Variants in EYS observed in about 807,000 individuals in gnomAD.
The protein encoded by EYS is EGF-like photoreceptor maintenance factor, also known as protein eyes shut homolog.
EYS carries 250 observed loss-of-function variants against 282.1 expected under a neutral mutation model. The observed-to-expected ratio is 0.89, with a 90% CI of 0.80 to 0.98. The LOEUF (loss-of-function observed/expected upper bound fraction) is 0.98, where lower values mean the gene tolerates loss of function less well. EYS is among the 50% of genes least tolerant of loss of function. The probability of loss-of-function intolerance (pLI) is 0.00; values close to 1 mark genes in which losing one functional copy is unlikely to be tolerated. For missense variants in EYS, 4,016 were observed against 3,709.0 expected (o/e 1.08, Z -2.15); for synonymous variants, 1,355 against 1,282.9 (o/e 1.06, Z -1.20).
At chr6:64,370,556 C>A (rs765871165) in intron 29 of EYS, among the ~76,000 whole-genome samples, 1 of 151,996 alleles carries the variant, frequency 6.6e-6, no homozygotes, top group Non-Finnish European at 1.5e-5. Context: ...GGGAGAAATC[C>A]CCCCTCCTCA....
chr6:64,886,013 T>C (rs1430053439), intron 19 of EYS, among the ~76,000 whole-genome samples: 1 of 151,880 alleles, frequency 6.6e-6, no homozygotes, highest in Admixed American at 6.6e-5. Flanking sequence ...AAATACATTA[T>C]TGTAATCTCT....
chr6:64,036,637 G>A (rs1418655235), intron 33 of EYS, among the ~76,000 whole-genome samples: 1 of 152,140 alleles, frequency 6.6e-6, no homozygotes, highest in Non-Finnish European at 1.5e-5. Flanking sequence ...AAAGAGAAAA[G>A]GATAGTTTGA....
intron 36 of EYS, among the ~76,000 whole-genome samples, chr6:63,845,537 G>A (rs927686804): frequency 1.3e-5 from 2 of 152,054 alleles, no homozygotes; most frequent in Non-Finnish European, 2.9e-5. Context: ...AAAAAAAAGA[G>A]GTGTTGTTCT....
chr6:64,091,808 T>G (rs991230254), intron 31 of EYS, among the ~76,000 whole-genome samples: 1 of 152,202 alleles, frequency 6.6e-6, no homozygotes, highest in Non-Finnish European at 1.5e-5. Context: ...CGTGCAGGTT[T>G]GTTACATATG....
intron 30 of EYS, among the ~76,000 whole-genome samples, chr6:64,274,362 G>A (rs1013353155): frequency 3.3e-5 from 5 of 151,746 alleles, no homozygotes; most frequent in African/African-American, 1.2e-4. Context: ...TAGTAGAGAC[G>A]GGTTTCGTCA....
intron 12 of EYS, among the ~76,000 whole-genome samples, chr6:65,071,005 C>T (rs1349482435): frequency 2.0e-5 from 3 of 151,690 alleles, no homozygotes; most frequent in South Asian, 2.1e-4. Flanking sequence ...TCACAGTTTA[C>T]GGTTAATATG....
chr6:65,450,758 C>A (rs1764368714), intron 5 of EYS, among the ~76,000 whole-genome samples: 1 of 152,096 alleles, frequency 6.6e-6, no homozygotes, highest in Non-Finnish European at 1.5e-5. Flanking sequence ...TAGGATACTC[C>A]CTGCGAAATG....
At chr6:65,223,772 A>G (rs1202102273) in intron 12 of EYS, among the ~76,000 whole-genome samples, 1 of 152,146 alleles carries the variant, frequency 6.6e-6, no homozygotes, top group Non-Finnish European at 1.5e-5. Flanking sequence ...AAAGCCTCGG[A>G]AAGAAGAGAC....
chr6:64,652,493 C>T (rs1466143410), intron 22 of EYS, among the ~76,000 whole-genome samples: 3 of 151,938 alleles, frequency 2.0e-5, no homozygotes, highest in African/African-American at 4.8e-5. Flanking sequence ...TGAATTTTGC[C>T]ACCATCCATT....
chr6:65,218,949 CT>C (rs911985560), intron 12 of EYS, among the ~76,000 whole-genome samples: 2 of 151,260 alleles, frequency 1.3e-5, no homozygotes, highest in South Asian at 2.1e-4. Context: ...ATCAAGATAA[CT>C]TTTTTTTCCA....
intron 5 of EYS, among the ~76,000 whole-genome samples, chr6:65,484,384 C>A (rs1765714284): frequency 6.6e-6 from 1 of 152,190 alleles, no homozygotes; most frequent in South Asian, 2.1e-4. Flanking sequence ...ATTCTGCCAT[C>A]ATCTTTTCCA....
At chr6:65,311,547 T>A (rs1243678801) in intron 11 of EYS, among the ~76,000 whole-genome samples, 1 of 152,172 alleles carries the variant, frequency 6.6e-6, no homozygotes, top group African/African-American at 2.4e-5. Context: ...TAGTTAAAAG[T>A]GAATAGTTTT....
At chr6:63,926,936 T>A (rs1195842258) in intron 35 of EYS, among the ~76,000 whole-genome samples, 1 of 152,250 alleles carries the variant, frequency 6.6e-6, no homozygotes, top group Non-Finnish European at 1.5e-5. Context: ...AATAAATATT[T>A]GTGGATTTTT....
intron 19 of EYS, among the ~76,000 whole-genome samples, chr6:64,877,834 A>G (rs1057328352): frequency 5.9e-5 from 9 of 152,230 alleles, no homozygotes; most frequent in Admixed American, 1.3e-4. Flanking sequence ...ATTCAAAAAC[A>G]AAATGAGGAA....
chr6:64,521,538 G>T (rs1343890681), intron 26 of EYS, among the ~76,000 whole-genome samples: 1 of 151,654 alleles, frequency 6.6e-6, no homozygotes, highest in African/African-American at 2.4e-5. Context: ...TATGCTTGAA[G>T]CTGCAAGAAT....
At chr6:63,916,012 G>T (rs1299283181) in intron 35 of EYS, among the ~76,000 whole-genome samples, 4 of 152,200 alleles carry the variant, frequency 2.6e-5, no homozygotes, top group African/African-American at 7.2e-5. Context: ...GCAGTGGTAG[G>T]ATTTGAAACA....
intron 21 of EYS, among the ~76,000 whole-genome samples, chr6:64,814,027 A>G (rs1764677113): frequency 6.6e-6 from 1 of 152,036 alleles, no homozygotes; most frequent in Non-Finnish European, 1.5e-5. Flanking sequence ...GGGTTTGATC[A>G]CATACTTAGA....
At chr6:64,003,060 G>C (rs1215097761) in intron 33 of EYS, among the ~76,000 whole-genome samples, 3 of 152,114 alleles carry the variant, frequency 2.0e-5, no homozygotes, top group Non-Finnish European at 4.4e-5. Flanking sequence ...AGTAACCTAA[G>C]TGTTCATCAA....
At chr6:64,914,938 T>A (rs1381137442) in intron 15 of EYS, among the ~76,000 whole-genome samples, 2 of 152,102 alleles carry the variant, frequency 1.3e-5, no homozygotes, top group African/African-American at 4.8e-5. Context: ...ATAAAAAATA[T>A]ATACCTAAGG....
Sources: allele counts gnomAD v4.1 joint callset (sites outside exome capture counted in the v4.1 genomes callset), GRCh38; gene constraint gnomAD v4.1.1; transcripts MANE v1.5; gene names NCBI Gene and HGNC (gene_info 2026-07-23, HGNC 2026-07-21).